SLC30A8: variants seen among roughly 807,000 people sequenced by gnomAD.
The protein encoded by SLC30A8 is solute carrier family 30 member 8.
SLC30A8 carries 27 observed loss-of-function variants against 36.9 expected under a neutral mutation model. That is an observed-to-expected ratio of 0.73 (90% CI 0.54 to 1.01). The LOEUF is 1.01. Ranked by LOEUF, SLC30A8 falls within the 50% of genes least tolerant of loss-of-function variation. The pLI is 0.00. For missense variants in SLC30A8, 439 were observed against 452.0 expected (o/e 0.97, Z 0.26); for synonymous variants, 164 against 172.4 (o/e 0.95, Z 0.38).
chr8:117,163,305 A>G (rs1822887813), intron 5 of SLC30A8, 120 bp from the exon 6 acceptor site: 5 of 720,040 alleles, frequency 6.9e-6, no homozygotes, highest in African/African-American at 5.4e-5. Context: ...GACACATGTC[A>G]AAAGGGTAAA....
intron 2 of SLC30A8, among the ~76,000 whole-genome samples, chr8:117,122,410 G>T (rs1461625224): frequency 6.6e-6 from 1 of 151,906 alleles, no homozygotes. Flanking sequence ...TACACATAAG[G>T]AAACTGATTA....
chr8:116,977,604 C>T (rs1042134425), intron 1 of SLC30A8, among the ~76,000 whole-genome samples: 1 of 150,430 alleles, frequency 6.6e-6, no homozygotes, highest in Non-Finnish European at 1.5e-5. Context: ...CTCCGCCTCC[C>T]GGGTTCAAGC....
At chr8:116,951,352 G>A (rs901384771) in intron 1 of SLC30A8, among the ~76,000 whole-genome samples, 1 of 152,090 alleles carries the variant, frequency 6.6e-6, no homozygotes, top group African/African-American at 2.4e-5. Flanking sequence ...ATTAAACAAG[G>A]GAAGCTTGTT....
intron 2 of SLC30A8, among the ~76,000 whole-genome samples, chr8:117,096,520 T>C (rs1026595170): frequency 2.0e-5 from 3 of 152,008 alleles, no homozygotes; most frequent in Admixed American, 6.5e-5. Context: ...ATCCAACATT[T>C]GGGTCAAGGA....
At chr8:117,082,000 G>A (rs534296208) in intron 2 of SLC30A8, among the ~76,000 whole-genome samples, 3 of 152,264 alleles carry the variant, frequency 2.0e-5, no homozygotes, top group Non-Finnish European at 4.4e-5. Context: ...TCAGACATGG[G>A]TCAGAAGTCA....
intron 2 of SLC30A8, among the ~76,000 whole-genome samples, chr8:117,081,421 C>G (rs1276109677): frequency 6.6e-6 from 1 of 152,200 alleles, no homozygotes; most frequent in Non-Finnish European, 1.5e-5. Context: ...GTGCAAGCAT[C>G]CTTGGCATCT....
chr8:117,107,607 A>G (rs1323812781), intron 2 of SLC30A8, among the ~76,000 whole-genome samples: 1 of 152,132 alleles, frequency 6.6e-6, no homozygotes, highest in Non-Finnish European at 1.5e-5. Context: ...CAGACATCCA[A>G]TCTGCTACCT....
chr8:117,033,628 A>G (rs1471416007), intron 1 of SLC30A8, among the ~76,000 whole-genome samples: 3 of 152,208 alleles, frequency 2.0e-5, no homozygotes, highest in African/African-American at 7.2e-5. Context: ...TGTTTTGTGA[A>G]TTTCACCTCA....
At chr8:117,117,520 G>C (rs552670265) in intron 2 of SLC30A8, among the ~76,000 whole-genome samples, 1 of 152,132 alleles carries the variant, frequency 6.6e-6, no homozygotes, top group Admixed American at 6.6e-5. Context: ...GTCTTGTTAA[G>C]AGAGTGCAAT....
At chr8:117,094,374 C>T (rs995566790) in intron 2 of SLC30A8, among the ~76,000 whole-genome samples, 9 of 152,148 alleles carry the variant, frequency 5.9e-5, no homozygotes, top group African/African-American at 1.7e-4. Flanking sequence ...AGAGGAGACC[C>T]GCAGTGGGTA....
intron 2 of SLC30A8, among the ~76,000 whole-genome samples, chr8:117,098,492 C>T (rs774068773): frequency 6.6e-6 from 1 of 152,110 alleles, no homozygotes; most frequent in African/African-American, 2.4e-5. Context: ...CTCCTATCCA[C>T]GGATGCGTGT....
chr8:117,126,325 A>C (rs1231101603), intron 2 of SLC30A8, among the ~76,000 whole-genome samples: 1 of 152,038 alleles, frequency 6.6e-6, no homozygotes, highest in African/African-American at 2.4e-5. Flanking sequence ...TATATATGAA[A>C]TTTAAATTAC....
At chr8:117,055,830 ATTC>A (rs562020413) in intron 2 of SLC30A8, 19 of 152,330 alleles carry the variant, frequency 1.2e-4, no homozygotes, top group African/African-American at 4.3e-4. Context: ...TAGCTCCATC[ATTC>A]TTAGCTGGAG....
At position 117,166,870 on chromosome 8, in the gene SLC30A8, T is replaced by C. The variant is rs144240426; in HGVS notation, c.829+3340T>C. 3.6e-3 allele frequency among the ~76,000 whole-genome samples: 541 copies of C among 150,728 alleles called. 3 individuals carry two copies. Among genetic ancestry groups the C allele is most frequent in the African/African-American group, 0.013 (515 of 40,986 alleles). Reference sequence around the variant, plus strand: ...CAGCTCACACTTCGTTAGTGTTCACTGCTAAGTATACATTTAAAGGTTTGT... The same window carrying C: ...CAGCTCACACTTCGTTAGTGTTCACCGCTAAGTATACATTTAAAGGTTTGT... On this transcript the variant is annotated intron_variant, in intron 6 of 7. Coordinates refer to ENST00000456015, the MANE Select transcript of SLC30A8 (RefSeq NM_173851.3).
upstream of SLC30A8, among the ~76,000 whole-genome samples, chr8:117,134,406 A>G (rs1166366034): frequency 6.6e-6 from 1 of 152,126 alleles, no homozygotes; most frequent in African/African-American, 2.4e-5. Flanking sequence ...GGCTCTTGCC[A>G]TAAGGCTATA....
At chr8:117,054,176 G>A (rs1320771694) in intron 2 of SLC30A8, among the ~76,000 whole-genome samples, 1 of 147,516 alleles carries the variant, frequency 6.8e-6, no homozygotes, top group Non-Finnish European at 1.5e-5. Flanking sequence ...ATGGCTCACT[G>A]CAGCCTGGAT....
intron 1 of SLC30A8, among the ~76,000 whole-genome samples, chr8:117,024,020 G>A (rs1022255355): frequency 6.6e-6 from 1 of 152,042 alleles, no homozygotes; most frequent in Non-Finnish European, 1.5e-5. Context: ...TTTGGCATAA[G>A]GTAAAAGCAC....
chr8:117,062,046 G>T lies in SLC30A8; in HGVS notation c.-226+22788G>T, dbSNP rs1818036320. Among the ~76,000 whole-genome samples, 3 of 152,156 alleles carry T rather than the reference G, an allele frequency of 2.0e-5. No homozygotes were observed. The South Asian group carries it at 6.2e-4, about 31-fold the overall frequency. ...TTCCCCACATGTTTGAAACCATTGA[G>T]ATGTGCCCTAGAAATTGCAGTTATA... On this transcript the variant is annotated intron_variant, in intron 2 of 10. Coordinates refer to the SLC30A8 transcript ENST00000427715.
At chr8:117,028,871 A>G (rs893552698) in intron 1 of SLC30A8, among the ~76,000 whole-genome samples, 1 of 152,226 alleles carries the variant, frequency 6.6e-6, no homozygotes. Flanking sequence ...GTTAAGGACA[A>G]ATTGAGGTGG....
Sources: allele counts gnomAD v4.1 joint callset (sites outside exome capture counted in the v4.1 genomes callset), GRCh38; gene constraint gnomAD v4.1.1; transcripts MANE v1.5; gene names NCBI Gene and HGNC (gene_info 2026-07-23, HGNC 2026-07-21).